The following NAA16 variants were observed in gnomAD, a reference collection of about 807,000 sequenced individuals.
The protein encoded by NAA16 is NARG1-like protein.
A neutral mutation model predicts 110.3 loss-of-function variants in NAA16; 97 were observed. The ratio of observed to expected loss-of-function variants is 0.88; its 90% CI spans 0.75 to 1.04. NAA16 has a LOEUF of 1.04. Ranked by LOEUF, NAA16 falls within the 50% of genes least tolerant of loss-of-function variation. The probability of loss-of-function intolerance (pLI) is 0.00; values close to 1 mark genes in which losing one functional copy is unlikely to be tolerated. For missense variants in NAA16, 1,017 were observed against 1,005.1 expected (o/e 1.01, Z -0.16); for synonymous variants, 372 against 330.6 (o/e 1.13, Z -1.36).
chr13:41,368,960 T>TG lies in NAA16; in HGVS notation c.1754-125dup, dbSNP rs2043261450. 13 of 639,880 alleles carry TG rather than the reference T, an allele frequency of 2.0e-5. No homozygotes were observed. In the South Asian group the frequency reaches 3.9e-4, roughly 19 times the overall value. 39.6% of individuals were successfully genotyped at this position (639,880 alleles called of 1,614,324 possible). On this transcript the variant is annotated intron_variant, in intron 14 of 19. Coordinates refer to ENST00000379406, the MANE Select transcript of NAA16 (RefSeq NM_024561.5). ...CAGGCTTGAGTATCAGTGGACTTTG[T>TG]GGGGGTGGGGGTCATGAACCAATCC...
chr13:41,345,584 C>T (rs1172604866), intron 9 of NAA16, among the ~76,000 whole-genome samples: 3 of 151,464 alleles, frequency 2.0e-5, no homozygotes, highest in African/African-American at 2.4e-5. Flanking sequence ...TAGGTTTTTT[C>T]GTTGTTTGTG....
At chr13:41,364,673 T>C (rs545545328) in intron 13 of NAA16, among the ~76,000 whole-genome samples, 4 of 150,620 alleles carry the variant, frequency 2.7e-5, no homozygotes, top group East Asian at 2.0e-4. Flanking sequence ...ACGATACATA[T>C]ATTTCTAACT....
At chr13:41,335,744 A>C (rs971264895) in intron 8 of NAA16, among the ~76,000 whole-genome samples, 45 of 152,224 alleles carry the variant, frequency 3.0e-4, no homozygotes, top group African/African-American at 1.1e-3. Flanking sequence ...CAACAAATAA[A>C]AATAACCATT....
chr13:41,369,944 T>C (rs2043284372), intron 15 of NAA16, among the ~76,000 whole-genome samples: 2 of 152,184 alleles, frequency 1.3e-5, no homozygotes, highest in Admixed American at 1.3e-4. Flanking sequence ...TCAATAAATA[T>C]TTGGTAATTT....
chr13:41,319,358 AAAACTT>A (rs1195520507), intron 3 of NAA16, among the ~76,000 whole-genome samples: 3 of 152,234 alleles, frequency 2.0e-5, no homozygotes, highest in Admixed American at 6.5e-5. Flanking sequence ...TTTGAGAAGA[AAAACTT>A]AAACTTATTT....
chr13:41,346,929 G>A (rs1409097701), intron 9 of NAA16, among the ~76,000 whole-genome samples: 3 of 152,064 alleles, frequency 2.0e-5, no homozygotes, highest in Non-Finnish European at 4.4e-5. Context: ...TTGAAATTAG[G>A]AAGTGTGAGC....
chr13:41,332,420 A>G (rs2042264155), intron 8 of NAA16, among the ~76,000 whole-genome samples: 1 of 152,160 alleles, frequency 6.6e-6, no homozygotes, highest in South Asian at 2.1e-4. Flanking sequence ...ATTTGCTTTT[A>G]TTGTACAATA....
intron 4 of NAA16, 41 bp downstream of exon 4, chr13:41,320,865 A>G: frequency 6.5e-7 from 1 of 1,528,358 alleles, no homozygotes; most frequent in South Asian, 1.3e-5. Flanking sequence ...TTTACAGTAG[A>G]CAAAATTTAA....
In NAA16 at chr13:41,352,337, G is replaced by A. The variant is rs770626488; in HGVS notation, c.1015-2807G>A. Among the ~76,000 whole-genome samples, 7 of 151,830 alleles carry A rather than the reference G, an allele frequency of 4.6e-5. No homozygotes were observed. The East Asian group carries it at 7.7e-4, about 17-fold the overall frequency. ...AGCTTGGGTGAGAGAGTGAGACCCC[G>A]TCTCAAAAAATAAAAATAAAGTAAC... On this transcript the variant is annotated intron_variant, in intron 9 of 19. Transcript: ENST00000379406.
At chr13:41,374,892 G>C (rs1750332733) in intron 19 of NAA16, 53 bp downstream of exon 19, 1 of 1,084,410 alleles carries the variant, frequency 9.2e-7, no homozygotes, top group Non-Finnish European at 1.4e-6. Context: ...CTAACAAAAC[G>C]TGTCTTTACA....
intron 9 of NAA16, among the ~76,000 whole-genome samples, chr13:41,338,315 T>A (rs1194560919): frequency 6.6e-6 from 1 of 152,228 alleles, no homozygotes; most frequent in Non-Finnish European, 1.5e-5. Flanking sequence ...CACAGGGTGT[T>A]GTTCATAGGC....
In NAA16 at chr13:41,367,592, T is replaced by C. The variant is rs1250891265; in HGVS notation, c.1693T>C (p.Tyr565His). The C allele has an allele frequency of 6.8e-6, 11 of 1,613,236 alleles. No homozygotes were observed. Among genetic ancestry groups the C allele is most frequent in the Admixed American group, 5.0e-5 (3 of 59,926 alleles). Residue 565 changes from tyrosine to histidine, a missense_variant, in exon 14 of 20, where the codon TAC (tyrosine) becomes CAC (histidine). Physicochemically the swap from Tyr to His is moderately conservative, Grantham distance 83. Transcript: ENST00000379406. ...GGCTGCTAGATCAGCGATTGAAATA[T>C]ACTTGAAATTGTATGATAATCCCTT... is the stretch of plus-strand genomic sequence containing the variant. ...FKAARSAIEI[Y>H]LKLYDNPLTN...
At chr13:41,312,723 G>A (rs2139350860) in intron 1 of NAA16, among the ~76,000 whole-genome samples, 1 of 152,234 alleles carries the variant, frequency 6.6e-6, no homozygotes, top group East Asian at 1.9e-4. Context: ...CATAGTAGCT[G>A]TTCTGTTTCA....
intron 9 of NAA16, among the ~76,000 whole-genome samples, chr13:41,345,108 T>A (rs1330069482): frequency 6.6e-6 from 1 of 152,244 alleles, no homozygotes; most frequent in African/African-American, 2.4e-5. Flanking sequence ...CCACATTGAT[T>A]GTTTCTACCT....
rs114029961 is a variant in NAA16 at position 41,361,771 on chromosome 13, G to A, written c.1411-260G>A. On this transcript the variant is annotated intron_variant, in intron 12 of 19. Coordinates refer to ENST00000379406, the MANE Select transcript of NAA16 (RefSeq NM_024561.5). Reference sequence around the variant, plus strand: ...TTCAGAATGGCATGCAGTTGAAAACGTATGAATTGTTTATTTCTGCAATTT... The same window carrying A: ...TTCAGAATGGCATGCAGTTGAAAACATATGAATTGTTTATTTCTGCAATTT... Among the ~76,000 whole-genome samples, 476 of 152,288 alleles carry A rather than the reference G, an allele frequency of 3.1e-3. 1 individual carries two copies. The highest frequency in any genetic ancestry group is 0.01 in the African/African-American group (427 of 41,540).
chr13:41,350,461 G>A (rs1205867663), intron 9 of NAA16, among the ~76,000 whole-genome samples: 1 of 151,428 alleles, frequency 6.6e-6, no homozygotes, highest in Non-Finnish European at 1.5e-5. Flanking sequence ...ACCTGGCTAA[G>A]TTTTTTTGTA....
chr13:41,370,901 C>G (rs1298057128), intron 15 of NAA16, among the ~76,000 whole-genome samples: 1 of 152,178 alleles, frequency 6.6e-6, no homozygotes, highest in Non-Finnish European at 1.5e-5. Flanking sequence ...AGGATTACAT[C>G]ATCAAGGATG....
intron 10 of NAA16, among the ~76,000 whole-genome samples, chr13:41,355,650 G>A (rs965406153): frequency 1.9e-4 from 29 of 152,084 alleles, no homozygotes; most frequent in Admixed American, 1.2e-3. Flanking sequence ...GGCTGGTCTC[G>A]AATACCTGAC....
chr13:41,358,218 GTCATT>G, intron 10 of NAA16, 81 bp from the exon 11 acceptor site: 1 of 1,132,602 alleles, frequency 8.8e-7, no homozygotes, highest in African/African-American at 1.6e-5. Flanking sequence ...TATTGCAATA[GTCATT>G]TCATTATGAA....
Sources: allele counts gnomAD v4.1 joint callset (sites outside exome capture counted in the v4.1 genomes callset), GRCh38; gene constraint gnomAD v4.1.1; transcripts MANE v1.5; gene names NCBI Gene and HGNC (gene_info 2026-07-23, HGNC 2026-07-21).